The following OSBPL1A variants were observed in gnomAD, a reference collection of about 807,000 sequenced individuals.
OSBPL1A encodes the protein oxysterol-binding protein-related protein 1.
In OSBPL1A, 80 loss-of-function variants were observed where a neutral mutation model predicts 137.1. The observed-to-expected ratio is 0.58, with a 90% confidence interval of 0.49 to 0.70. The LOEUF (loss-of-function observed/expected upper bound fraction) is 0.70, where lower values mean the gene tolerates loss of function less well. OSBPL1A is among the 30% of genes least tolerant of loss of function. The probability of loss-of-function intolerance (pLI) is 0.00; values close to 1 mark genes in which losing one functional copy is unlikely to be tolerated. For synonymous variants in OSBPL1A, 365 were observed against 389.7 expected, an observed-to-expected ratio of 0.94 and a Z score of 0.75; for missense variants, 970 against 1,129.4, an observed-to-expected ratio of 0.86 and a Z score of 2.02.
In OSBPL1A at chr18:24,182,875, C is replaced by CT. The variant is rs1381758998; in HGVS notation, c.1678-1597dup. On this transcript the variant is annotated intron_variant, in intron 18 of 27. Transcript: ENST00000319481. ...CCCAGGCTCTCTTTCTTCTATTTTT[C>CT]TTTTTTTTTTTGAGATGGAGTCTCA... 9.7e-3 allele frequency among the ~76,000 whole-genome samples: 1,419 copies of CT among 146,160 alleles called. 10 individuals are homozygous for CT. The highest frequency in any genetic ancestry group is 0.022 in the African/African-American group (891 of 40,124).
rs922749705 is a variant in OSBPL1A, at chr18:24,312,194, T to C, written c.970-88A>G. The C allele has an allele frequency of 2.2e-5, 32 of 1,486,032 alleles. No homozygotes were observed. In the Admixed American group the frequency reaches 6.2e-4, roughly 29 times the overall value. 92.1% of individuals were successfully genotyped at this position (1,486,032 alleles called of 1,614,324 possible). ...ACAATGATCTGATAAGCATAAAATT[T>C]ACCTAGTGAAATAAATATTATGGCC... is the stretch of plus-strand genomic sequence containing the variant. On this transcript the variant is annotated intron_variant, in intron 12 of 27. Coordinates refer to ENST00000319481, the MANE Select transcript of OSBPL1A (RefSeq NM_080597.4).
intron 11 of OSBPL1A, among the ~76,000 whole-genome samples, chr18:24,315,596 T>G (rs1773539693): frequency 7.4e-6 from 1 of 135,064 alleles, no homozygotes; most frequent in Non-Finnish European, 1.5e-5. Flanking sequence ...CATATTAATA[T>G]TATTATATAT....
At chr18:24,327,634 C>T (rs1296471453) in intron 7 of OSBPL1A, among the ~76,000 whole-genome samples, 1 of 152,150 alleles carries the variant, frequency 6.6e-6, no homozygotes, top group Non-Finnish European at 1.5e-5. Flanking sequence ...GTCTCAAACA[C>T]CTGACCTCAA....
intron 25 of OSBPL1A, 141 bp from the exon 26 acceptor site, chr18:24,166,843 G>T: frequency 1.2e-6 from 1 of 843,580 alleles, no homozygotes; most frequent in Non-Finnish European, 1.8e-6. Context: ...CAGATCACAC[G>T]TATCTAAATG....
At chr18:24,258,295 A>G (rs1210992744) in intron 15 of OSBPL1A, among the ~76,000 whole-genome samples, 1 of 152,220 alleles carries the variant, frequency 6.6e-6, no homozygotes, top group Non-Finnish European at 1.5e-5. Context: ...TAAAAAAAAG[A>G]ACAAGATCCT....
intron 14 of OSBPL1A, 78 bp from the exon 15 acceptor site, chr18:24,281,026 A>T: frequency 1.2e-6 from 1 of 830,132 alleles, no homozygotes; most frequent in Admixed American, 2.8e-5. Flanking sequence ...AAATACTCTC[A>T]TATCTATTAA....
chr18:24,163,915 AG>A (rs1730836897), intron 27 of OSBPL1A, among the ~76,000 whole-genome samples: 1 of 152,008 alleles, frequency 6.6e-6, no homozygotes, highest in African/African-American at 2.4e-5. Flanking sequence ...TATTTTTAGT[AG>A]AGACAGGGTT....
At chr18:24,270,621 A>G (rs1177873426) in intron 15 of OSBPL1A, among the ~76,000 whole-genome samples, 1 of 152,140 alleles carries the variant, frequency 6.6e-6, no homozygotes, top group African/African-American at 2.4e-5. Context: ...TATCCACTAA[A>G]CAGAAATTGA....
At chr18:24,361,996 C>CAAAA (rs200189504) in intron 4 of OSBPL1A, among the ~76,000 whole-genome samples, 6 of 52,184 alleles carry the variant, frequency 1.1e-4, no homozygotes, top group Admixed American at 2.2e-4. Flanking sequence ...GACTCCATCT[C>CAAAA]AAAAAAAAAA....
intron 21 of OSBPL1A, among the ~76,000 whole-genome samples, chr18:24,175,139 C>CGTATATATATATATATATACGTATATAT (rs1567920404): frequency 8.3e-6 from 1 of 119,876 alleles, no homozygotes; most frequent in African/African-American, 4.3e-5. Flanking sequence ...TATATATACA[C>CGTATATATATATATATATACGTATATAT]ATATATATAT....
chr18:24,337,440 G>A (rs114809635), intron 5 of OSBPL1A, among the ~76,000 whole-genome samples: 1,158 of 107,836 alleles, frequency 0.011, 17 homozygotes, highest in African/African-American at 0.042. Context: ...GCATGGTGGT[G>A]CATGCCTATA....
At chr18:24,347,451 C>T (rs2091364187) in intron 4 of OSBPL1A, among the ~76,000 whole-genome samples, 1 of 152,160 alleles carries the variant, frequency 6.6e-6, no homozygotes. Context: ...TCTCAAAGTG[C>T]TGGAACTACA....
chr18:24,187,636 T>G (rs1000540833), intron 18 of OSBPL1A, among the ~76,000 whole-genome samples: 1 of 152,194 alleles, frequency 6.6e-6, no homozygotes, highest in East Asian at 1.9e-4. Flanking sequence ...GAGCAATAGA[T>G]GCTAGCTATT....
At chr18:24,170,525 C>A in intron 23 of OSBPL1A, 72 bp from the exon 24 acceptor site, 1 of 1,576,444 alleles carries the variant, frequency 6.3e-7, no homozygotes, top group Non-Finnish European at 8.7e-7. Context: ...ACCTGGTATT[C>A]CCAGGCGGTC....
rs551248060 is a variant in OSBPL1A, at chr18:24,291,415, A to C, written c.1175-10467T>G. On this transcript the variant is annotated intron_variant, in intron 14 of 27. Coordinates refer to ENST00000319481, the MANE Select transcript of OSBPL1A (RefSeq NM_080597.4). ...AAGATTAAGCAGAAAAACTGACTAA[A>C]TTGAGAAAGAAACTAAAGCTAGAAA... is the stretch of plus-strand genomic sequence containing the variant. Among the ~76,000 whole-genome samples, 236 of 152,294 alleles carry C rather than the reference A, an allele frequency of 1.5e-3. 1 individual carries two copies. The highest frequency in any genetic ancestry group is 5.2e-3 in the African/African-American group (217 of 41,584).
intron 14 of OSBPL1A, among the ~76,000 whole-genome samples, chr18:24,294,640 T>C (rs1216244316): frequency 6.6e-6 from 1 of 152,188 alleles, no homozygotes; most frequent in African/African-American, 2.4e-5. Context: ...CACTTATAAA[T>C]GAGAACAAAT....
chr18:24,172,443 C>T lies in OSBPL1A; in HGVS notation c.2134G>A (p.Val712Met). ...AGTTTACCCACAATGATATTATGCA[C>T]ACAGCAGGTGGGATTTGTCCATGTA... The part of the protein sequence containing the change: ...AYTWTNPTCC[V>M]HNIIVGKLWI... Residue 712 changes from valine (V) to methionine (M), a missense_variant, in exon 22 of 28, where the codon GTG becomes ATG. By Grantham distance (21) the Val-to-Met change is conservative (BLOSUM62 1). Transcript: ENST00000319481. The T allele has an allele frequency of 6.2e-7, 1 of 1,614,126 alleles. No homozygotes were observed. The highest frequency in any genetic ancestry group is 8.5e-7 in the Non-Finnish European group (1 of 1,180,002).
At chr18:24,362,642 G>A (rs1224085046) in intron 4 of OSBPL1A, among the ~76,000 whole-genome samples, 1 of 152,104 alleles carries the variant, frequency 6.6e-6, no homozygotes, top group African/African-American at 2.4e-5. Context: ...TATCATGTTG[G>A]ACTATGGTCA....
At chr18:24,256,374 A>G (rs895685670) in intron 15 of OSBPL1A, among the ~76,000 whole-genome samples, 2 of 152,220 alleles carry the variant, frequency 1.3e-5, no homozygotes, top group African/African-American at 4.8e-5. Context: ...AAAAAACCAT[A>G]TGACCATTTC....
Sources: gnomAD v4.1 joint callset for allele counts (sites outside exome capture counted in the v4.1 genomes callset) on GRCh38, gnomAD v4.1.1 for gene constraint, MANE v1.5 for transcripts, NCBI Gene and HGNC (gene_info 2026-07-23, HGNC 2026-07-21) for gene names.